The following KIF16B variants were observed in gnomAD, a reference collection of about 807,000 sequenced individuals.
The protein encoded by KIF16B is kinesin family member 16B.
KIF16B carries 98 observed loss-of-function variants against 156.3 expected under a neutral mutation model. The ratio of observed to expected loss-of-function variants is 0.63; its 90% confidence interval spans 0.53 to 0.74. KIF16B has a LOEUF of 0.74. Ranked by LOEUF, KIF16B falls within the 30% of genes least tolerant of loss-of-function variation. The pLI is 0.00. For missense variants in KIF16B, 1,421 were observed against 1,606.5 expected (o/e 0.88, Z 1.97); for synonymous variants, 564 against 583.7 (o/e 0.97, Z 0.49).
intron 4 of KIF16B, among the ~76,000 whole-genome samples, chr20:16,513,292 A>G (rs1048054418): frequency 6.6e-6 from 1 of 152,216 alleles, no homozygotes; most frequent in Admixed American, 6.5e-5. Context: ...AGGCAAAAAA[A>G]CACCAAGAAA....
rs555690798 is a variant in KIF16B at position 16,403,244 on chromosome 20, G to A, written c.1784+1569C>T. On this transcript the variant is annotated intron_variant, in intron 17 of 25. Transcript: ENST00000354981. Reference sequence around the variant, plus strand: ...TTTAACTAGACAAACAATATTTAACGGATGGGATCACACTATTTTAGCTGA... The same window carrying A: ...TTTAACTAGACAAACAATATTTAACAGATGGGATCACACTATTTTAGCTGA... Among the ~76,000 whole-genome samples the A allele has an allele frequency of 3.9e-5, 6 of 152,226 alleles. No homozygotes were observed. In the South Asian group the frequency reaches 6.2e-4, roughly 16 times the overall value.
chr20:16,562,958 T>A (rs1600706419), intron 1 of KIF16B, among the ~76,000 whole-genome samples: 1 of 152,308 alleles, frequency 6.6e-6, no homozygotes, highest in East Asian at 1.9e-4. Context: ...TCCTAGCAAG[T>A]GAATGAGTGG....
At chr20:16,278,111 G>A (rs1568806027) in intron 25 of KIF16B, among the ~76,000 whole-genome samples, 1 of 152,090 alleles carries the variant, frequency 6.6e-6, no homozygotes, top group Non-Finnish European at 1.5e-5. Flanking sequence ...TGGGATGGCG[G>A]AGCCAAAGGG....
chr20:16,285,832 A>G (rs1398481048), intron 25 of KIF16B, among the ~76,000 whole-genome samples: 2 of 152,104 alleles, frequency 1.3e-5, no homozygotes, highest in Non-Finnish European at 2.9e-5. Context: ...ACAAAACAAA[A>G]CAAACAAAAA....
chr20:16,558,852 C>T (rs1461104856), intron 1 of KIF16B, among the ~76,000 whole-genome samples: 3 of 148,374 alleles, frequency 2.0e-5, no homozygotes, highest in South Asian at 2.1e-4. Flanking sequence ...TGCAGTGAGC[C>T]CAGATCATGT....
intron 17 of KIF16B, among the ~76,000 whole-genome samples, chr20:16,403,495 C>T (rs1425201443): frequency 6.6e-6 from 1 of 152,156 alleles, no homozygotes; most frequent in Admixed American, 6.5e-5. Context: ...GCACAACTTT[C>T]CTCAATGACC....
At chr20:16,342,098 C>T (rs1039967507) in intron 23 of KIF16B, among the ~76,000 whole-genome samples, 1 of 152,200 alleles carries the variant, frequency 6.6e-6, no homozygotes, top group African/African-American at 2.4e-5. Context: ...ATTCCCACTC[C>T]TTTCTCCCTG....
chr20:16,332,511 G>A (rs914004012), intron 24 of KIF16B, among the ~76,000 whole-genome samples: 1 of 152,128 alleles, frequency 6.6e-6, no homozygotes, highest in Non-Finnish European at 1.5e-5. Context: ...ATGAACACAC[G>A]TGTTTGTGGG....
chr20:16,324,564 G>A (rs538964999), intron 24 of KIF16B, among the ~76,000 whole-genome samples: 70 of 152,142 alleles, frequency 4.6e-4, no homozygotes, highest in Non-Finnish European at 9.3e-4. Context: ...CATCTTTGGT[G>A]ATCAAAGAGA....
chr20:16,387,293 G>A (rs889470750), intron 17 of KIF16B, among the ~76,000 whole-genome samples: 2 of 152,116 alleles, frequency 1.3e-5, no homozygotes, highest in African/African-American at 2.4e-5. Context: ...ATTTACAGGG[G>A]CACTGATCTC....
intron 25 of KIF16B, among the ~76,000 whole-genome samples, chr20:16,294,122 C>T (rs183963501): frequency 2.6e-4 from 40 of 152,266 alleles, no homozygotes; most frequent in Middle Eastern, 3.4e-3. Context: ...CAGGATACTG[C>T]TCTCCAGAAA....
At chr20:16,356,272 A>G (rs1250630321) in intron 23 of KIF16B, 58 bp downstream of exon 23, 3 of 1,605,414 alleles carry the variant, frequency 1.9e-6, no homozygotes, top group Non-Finnish European at 2.6e-6. Context: ...ATAAAGACAG[A>G]TAAAGCACTG....
intron 12 of KIF16B, among the ~76,000 whole-genome samples, chr20:16,486,053 T>C (rs971670212): frequency 3.9e-5 from 6 of 152,314 alleles, no homozygotes; most frequent in African/African-American, 7.2e-5. Context: ...TATTGCTTTA[T>C]CAACAAAAGT....
rs538980680 is a variant in KIF16B, at chr20:16,316,237, T to A, written c.3712-3819A>T. Among the ~76,000 whole-genome samples, 38 of 152,020 alleles carry A rather than the reference T, an allele frequency of 2.5e-4. No homozygotes were observed. In the Middle Eastern group the frequency reaches 0.01, roughly 41 times the overall value. On this transcript the variant is annotated intron_variant, in intron 24 of 25. Coordinates refer to ENST00000354981, the MANE Select transcript of KIF16B (RefSeq NM_024704.5). ...GTCGCTTCATTTTCCATCAGCTGCGTTATCTGCCAAGTAAAATATCTCATT... is the reference window on the plus strand; with the variant it reads ...GTCGCTTCATTTTCCATCAGCTGCGATATCTGCCAAGTAAAATATCTCATT...
chr20:16,317,304 T>C (rs118052170), intron 24 of KIF16B, among the ~76,000 whole-genome samples: 2,818 of 152,316 alleles, frequency 0.019, 46 homozygotes, highest in Non-Finnish European at 0.028. Context: ...ACAAAGGAGA[T>C]ACAGTGTCCT....
chr20:16,513,003 A>C (rs766992950), intron 4 of KIF16B, 80 bp from the exon 5 acceptor site: 148 of 1,040,616 alleles, frequency 1.4e-4, no homozygotes, highest in Non-Finnish European at 2.1e-4. Context: ...TGCTGGCATG[A>C]AGTTAGACTC....
chr20:16,293,835 A>T (rs578086346), intron 25 of KIF16B, among the ~76,000 whole-genome samples: 9 of 152,248 alleles, frequency 5.9e-5, no homozygotes, highest in African/African-American at 2.2e-4. Flanking sequence ...CTAAGCAAAC[A>T]AGCTGAGCTC....
rs3746782 is a variant in KIF16B, at chr20:16,367,178, G to C, written c.3498+3408C>G. 1,031 of 1,607,448 alleles carry C rather than the reference G, an allele frequency of 6.4e-4. 10 individuals are homozygous for C. In the East Asian group the frequency reaches 0.018, roughly 29 times the overall value. ...CTTGTCAAATGTGAGATTAGCCAAA[G>C]AGCCTCATCTTGAGAATTGAAAGTA... On this transcript the variant is annotated intron_variant, in intron 22 of 25. Coordinates refer to ENST00000354981, the MANE Select transcript of KIF16B (RefSeq NM_024704.5).
At chr20:16,375,715 G>A (rs2064933769) in intron 19 of KIF16B, among the ~76,000 whole-genome samples, 1 of 151,612 alleles carries the variant, frequency 6.6e-6, no homozygotes, top group Non-Finnish European at 1.5e-5. Context: ...CTGGATGTAG[G>A]CAGGCAATTA....
Sources: allele counts gnomAD v4.1 joint callset (sites outside exome capture counted in the v4.1 genomes callset), GRCh38; gene constraint gnomAD v4.1.1; transcripts MANE v1.5; gene names NCBI Gene and HGNC (gene_info 2026-07-23, HGNC 2026-07-21).